Variants in KLHL3 observed in about 807,000 individuals in gnomAD.
KLHL3 encodes the protein kelch like family member 3.
Under a neutral mutation model 70.5 loss-of-function variants are expected in KLHL3, and 19 were observed. That is an observed-to-expected ratio of 0.27 (90% CI 0.19 to 0.40). The LOEUF (loss-of-function observed/expected upper bound fraction) is 0.40, where lower values mean the gene tolerates loss of function less well. Ranked by LOEUF, KLHL3 falls within the 10% of genes least tolerant of loss-of-function variation. KLHL3 has a pLI of 1.00. For missense variants in KLHL3, 512 were observed against 771.1 expected (o/e 0.66, Z 3.98); for synonymous variants, 258 against 290.3 (o/e 0.89, Z 1.13).
At chr5:137,735,566 G>A in intron 1 of KLHL3, 67 bp downstream of exon 1, 1 of 1,253,758 alleles carries the variant, frequency 8.0e-7, no homozygotes. Context: ...AAAAGCTGGT[G>A]GCTGCACCGC....
chr5:137,664,971 C>T (rs1476317380), intron 6 of KLHL3, among the ~76,000 whole-genome samples: 1 of 152,034 alleles, frequency 6.6e-6, no homozygotes, highest in African/African-American at 2.4e-5. Context: ...CCAAATTTAC[C>T]ACCACCCATA....
intron 4 of KLHL3, among the ~76,000 whole-genome samples, chr5:137,692,918 G>A (rs1460122063): frequency 6.6e-6 from 1 of 151,370 alleles, no homozygotes; most frequent in Non-Finnish European, 1.5e-5. Context: ...CTGATGTCTA[G>A]GTCTTGCCCT....
chr5:137,693,764 C>A (rs1752379263), intron 4 of KLHL3, among the ~76,000 whole-genome samples: 1 of 152,210 alleles, frequency 6.6e-6, no homozygotes, highest in Non-Finnish European at 1.5e-5. Context: ...ACTGAGCCAG[C>A]TACACTCTAG....
At chr5:137,707,871 A>G (rs1752716062) in intron 3 of KLHL3, among the ~76,000 whole-genome samples, 1 of 152,246 alleles carries the variant, frequency 6.6e-6, no homozygotes, top group Admixed American at 6.5e-5. Context: ...AAGTGGAGCC[A>G]GCATGACAAT....
chr5:137,692,851 C>CACACACAA (rs1752356882), intron 4 of KLHL3, among the ~76,000 whole-genome samples: 2 of 151,714 alleles, frequency 1.3e-5, no homozygotes, highest in Admixed American at 1.3e-4. Flanking sequence ...CACACACACA[C>CACACACAA]ACAATGGTTC....
At chr5:137,682,708 G>A (rs1426198174) in intron 5 of KLHL3, among the ~76,000 whole-genome samples, 1 of 152,092 alleles carries the variant, frequency 6.6e-6, no homozygotes, top group Admixed American at 6.6e-5. Context: ...ATTCTATTCG[G>A]ACTGGGAGCC....
chr5:137,688,363 G>A (rs1161020385), intron 5 of KLHL3, among the ~76,000 whole-genome samples: 3 of 152,196 alleles, frequency 2.0e-5, no homozygotes, highest in Non-Finnish European at 4.4e-5. Context: ...CACTCATTCA[G>A]TGAGGGAACA....
intron 2 of KLHL3, among the ~76,000 whole-genome samples, chr5:137,710,379 A>G (rs1229282051): frequency 6.6e-6 from 1 of 152,146 alleles, no homozygotes; most frequent in African/African-American, 2.4e-5. Flanking sequence ...AACGCTTTCA[A>G]CAAGAAGACT....
chr5:137,661,143 A>G (rs1332335952), intron 7 of KLHL3: 1 of 152,272 alleles, frequency 6.6e-6, no homozygotes, highest in African/African-American at 2.4e-5. Flanking sequence ...AGAGCGTATC[A>G]ATGGTGGCAG....
chr5:137,712,787 C>T (rs1354240217), intron 2 of KLHL3, among the ~76,000 whole-genome samples: 1 of 152,160 alleles, frequency 6.6e-6, no homozygotes, highest in African/African-American at 2.4e-5. Context: ...CCTCTCAAAC[C>T]TCTGTCCCAC....
At chr5:137,702,690 A>G (rs1309875717) in intron 3 of KLHL3, among the ~76,000 whole-genome samples, 1 of 152,180 alleles carries the variant, frequency 6.6e-6, no homozygotes, top group Non-Finnish European at 1.5e-5. Flanking sequence ...TGGGAAAACA[A>G]AACAGGTGGC....
intron 10 of KLHL3, among the ~76,000 whole-genome samples, chr5:137,638,159 C>T (rs114266557): frequency 3.8e-4 from 58 of 152,294 alleles, no homozygotes; most frequent in African/African-American, 1.4e-3. Flanking sequence ...GCACCACTAC[C>T]CTTTCCTTCT....
At chr5:137,710,054 CT>C (rs1306675259) in intron 2 of KLHL3, among the ~76,000 whole-genome samples, 198 bp from the exon 3 acceptor site, 1 of 152,172 alleles carries the variant, frequency 6.6e-6, no homozygotes, top group African/African-American at 2.4e-5. Context: ...GACATTCATG[CT>C]TTCCTAAGGT....
chr5:137,628,430 T>C lies in KLHL3; in HGVS notation c.1458A>G (p.Gly486=). ...TGGCGTACAGCTGTCCGCTAAGCACTCCAACCCCTGAAAGGCAGAGCACAG... is the reference window on the plus strand; with the variant it reads ...TGGCGTACAGCTGTCCGCTAAGCACCCCAACCCCTGAAAGGCAGAGCACAG... ...MSTRRSGAGV[G]VLSGQLYATG... is the part of the protein sequence containing the mutation. The change falls in exon 13 of 15, where the codon GGA becomes GGG. Residue 486 remains glycine (G), a synonymous_variant. Transcript: ENST00000309755. 1 of 1,614,054 alleles carries C rather than the reference T, an allele frequency of 6.2e-7. No homozygotes were observed. Among genetic ancestry groups the C allele is most frequent in the South Asian group, 1.1e-5 (1 of 91,068 alleles).
At chr5:137,629,205 G>C (rs1750568350) in intron 12 of KLHL3, 1 of 152,208 alleles carries the variant, frequency 6.6e-6, no homozygotes, top group Non-Finnish European at 1.5e-5. Flanking sequence ...AAGCCATAAA[G>C]AAGGAAGACA....
chr5:137,668,435 G>T (rs1160141789), intron 6 of KLHL3, among the ~76,000 whole-genome samples: 1 of 151,964 alleles, frequency 6.6e-6, no homozygotes, highest in Non-Finnish European at 1.5e-5. Flanking sequence ...AAAAAACCCT[G>T]GGCAGACTGT....
At chr5:137,664,004 T>C (rs1193643247) in intron 6 of KLHL3, among the ~76,000 whole-genome samples, 2 of 152,168 alleles carry the variant, frequency 1.3e-5, no homozygotes, top group Non-Finnish European at 2.9e-5. Flanking sequence ...CTAACCAAAT[T>C]GTGTATTTAA....
chr5:137,701,957 T>G (rs1182970230), intron 3 of KLHL3, among the ~76,000 whole-genome samples: 1 of 152,240 alleles, frequency 6.6e-6, no homozygotes, highest in African/African-American at 2.4e-5. Context: ...AACATGCATG[T>G]CCTGTTTCTC....
intron 6 of KLHL3, among the ~76,000 whole-genome samples, chr5:137,669,691 G>C (rs773716388): frequency 6.6e-6 from 1 of 152,202 alleles, no homozygotes; most frequent in African/African-American, 2.4e-5. Context: ...CATACGGATG[G>C]AGAATGTCTG....
Sources: allele counts gnomAD v4.1 joint callset (sites outside exome capture counted in the v4.1 genomes callset), GRCh38; gene constraint gnomAD v4.1.1; transcripts MANE v1.5; gene names NCBI Gene and HGNC (gene_info 2026-07-23, HGNC 2026-07-21).